ARMC2: variants seen among roughly 807,000 people sequenced by gnomAD.
ARMC2 encodes the protein armadillo repeat containing 2.
In ARMC2, 67 loss-of-function variants were observed where a neutral mutation model predicts 90.3. The observed-to-expected ratio is 0.74, with a 90% CI of 0.61 to 0.91. The LOEUF (loss-of-function observed/expected upper bound fraction) is 0.91, where lower values mean the gene tolerates loss of function less well. ARMC2 is among the 40% of genes least tolerant of loss of function. The pLI is 0.00. For synonymous variants in ARMC2, 393 were observed against 393.0 expected, an observed-to-expected ratio of 1.00 and a Z score of 0.00; for missense variants, 920 against 1,030.9, an observed-to-expected ratio of 0.89 and a Z score of 1.47.
At chr6:108,871,500 TTA>T (rs1562335806) in intron 4 of ARMC2, among the ~76,000 whole-genome samples, 1 of 152,186 alleles carries the variant, frequency 6.6e-6, no homozygotes, top group Non-Finnish European at 1.5e-5. Flanking sequence ...AGGGCACTTC[TTA>T]TGAACAGGAT....
At chr6:108,986,843 A>C in the ARMC2 span, 1 of 152,216 alleles carries the variant, frequency 6.6e-6, no homozygotes, top group Non-Finnish European at 1.5e-5. Flanking sequence ...ACACACTTTC[A>C]TTTAGGATTG....
At chr6:109,023,059 C>G in the ARMC2 span, among the ~76,000 whole-genome samples, 3 of 152,124 alleles carry the variant, frequency 2.0e-5, no homozygotes, top group African/African-American at 7.2e-5. Flanking sequence ...CTGTGACCAC[C>G]CAAATCAGTA....
the ARMC2 span, chr6:108,990,529 T>G: frequency 4.8e-3 from 4,263 of 895,552 alleles, 233 homozygotes; most frequent in East Asian, 0.1. Flanking sequence ...AAATAAGTTA[T>G]TGGGGAGGGG....
intron 5 of ARMC2, among the ~76,000 whole-genome samples, chr6:108,885,227 GGTGT>G (rs61665393): frequency 1.9e-3 from 280 of 149,564 alleles, no homozygotes; most frequent in African/African-American, 6.0e-3. Context: ...GGTGCCAAGG[GGTGT>G]GTGTGTGTGT....
chr6:108,948,050 T>C (rs1235936688), intron 12 of ARMC2, among the ~76,000 whole-genome samples: 1 of 152,238 alleles, frequency 6.6e-6, no homozygotes, highest in Non-Finnish European at 1.5e-5. Context: ...CGCTGTGGAA[T>C]TGGTGCTCTC....
intron 10 of ARMC2, among the ~76,000 whole-genome samples, chr6:108,924,393 C>T (rs1310800625): frequency 6.6e-6 from 1 of 152,118 alleles, no homozygotes; most frequent in Non-Finnish European, 1.5e-5. Flanking sequence ...TGGTGCTTGC[C>T]TGTAATCCCA....
intron 5 of ARMC2, chr6:108,880,202 T>G: frequency 2.9e-6 from 1 of 340,324 alleles, no homozygotes; most frequent in South Asian, 2.3e-5. Context: ...TTTTTGTTGG[T>G]CTGTCTAGCA....
the ARMC2 span, chr6:109,000,760 T>G: frequency 9.2e-7 from 1 of 1,092,536 alleles, no homozygotes; most frequent in Non-Finnish European, 1.2e-6. Context: ...AAGAGCTAAT[T>G]AAGTTTATTA....
intron 1 of ARMC2, among the ~76,000 whole-genome samples, chr6:108,850,640 T>C (rs1187482629): frequency 6.6e-6 from 1 of 152,200 alleles, no homozygotes; most frequent in African/African-American, 2.4e-5. Context: ...TGAAATAAGG[T>C]CCAGATTTCA....
At chr6:108,989,705 G>A in the ARMC2 span, among the ~76,000 whole-genome samples, 7 of 152,114 alleles carry the variant, frequency 4.6e-5, no homozygotes, top group African/African-American at 1.7e-4. Context: ...GGGGTCAAAT[G>A]AGAAAAAAGG....
the ARMC2 span, among the ~76,000 whole-genome samples, chr6:108,983,442 G>A: frequency 6.6e-6 from 1 of 152,008 alleles, no homozygotes; most frequent in South Asian, 2.1e-4. Context: ...TAATATATAA[G>A]GGTCCAACTT....
the ARMC2 span, among the ~76,000 whole-genome samples, chr6:109,026,053 TA>T: frequency 6.6e-6 from 1 of 151,894 alleles, no homozygotes; most frequent in Non-Finnish European, 1.5e-5. Context: ...AAAGAGATCT[TA>T]AAGTCCATGA....
At chr6:109,032,426 G>C in the ARMC2 span, among the ~76,000 whole-genome samples, 1 of 152,016 alleles carries the variant, frequency 6.6e-6, no homozygotes, top group Non-Finnish European at 1.5e-5. Context: ...AGACCAGCCT[G>C]GCCAACATAG....
chr6:108,981,658 C>CTTTTTTTT, the ARMC2 span, among the ~76,000 whole-genome samples: 1 of 145,946 alleles, frequency 6.9e-6, no homozygotes. Flanking sequence ...GATTTCCTTA[C>CTTTTTTTT]TTTTTTTTTT....
the ARMC2 span, chr6:108,992,878 G>A: frequency 6.2e-7 from 1 of 1,612,218 alleles, no homozygotes; most frequent in Non-Finnish European, 8.5e-7. Flanking sequence ...TACAGCTCTT[G>A]CTGGTGTAAC....
At chr6:108,977,889 A>T (rs10456863), downstream of ARMC2, among the ~76,000 whole-genome samples, 16,791 of 151,550 alleles carry the variant, frequency 0.11, 1,012 homozygotes, top group Middle Eastern at 0.19. Context: ...TCTTCTCTTT[A>T]TTCTTCTTTA....
intron 13 of ARMC2, among the ~76,000 whole-genome samples, chr6:108,959,710 G>T (rs1224581052): frequency 2.0e-5 from 3 of 151,488 alleles, no homozygotes; most frequent in Non-Finnish European, 4.4e-5. Flanking sequence ...TTTTGAGATG[G>T]GGTCTCCCTC....
At chr6:108,933,679 C>G (rs770938919) in intron 11 of ARMC2, among the ~76,000 whole-genome samples, 2 of 152,114 alleles carry the variant, frequency 1.3e-5, no homozygotes, top group Non-Finnish European at 2.9e-5. Context: ...ATTGATTGCT[C>G]TGGCTAGGAC....
the ARMC2 span, chr6:108,992,768 A>G: frequency 2.1e-6 from 3 of 1,456,792 alleles, no homozygotes; most frequent in South Asian, 1.1e-5. Flanking sequence ...AATCATGTGC[A>G]TACAAGTTGC....
Sources: gnomAD v4.1 joint callset for allele counts (sites outside exome capture counted in the v4.1 genomes callset) on GRCh38, gnomAD v4.1.1 for gene constraint, MANE v1.5 for transcripts, NCBI Gene and HGNC (gene_info 2026-07-23, HGNC 2026-07-21) for gene names.